Variants in KCND2 observed in about 807,000 individuals in gnomAD.
KCND2 encodes A-type voltage-gated potassium channel KCND2.
Under a neutral mutation model 54.4 loss-of-function variants are expected in KCND2, and 16 were observed. The ratio of observed to expected loss-of-function variants is 0.29; its 90% CI spans 0.20 to 0.45. The LOEUF (loss-of-function observed/expected upper bound fraction) is 0.45. KCND2 is among the 20% of genes least tolerant of loss of function. The pLI is 1.00. For synonymous variants in KCND2, 317 were observed against 310.7 expected, an observed-to-expected ratio of 1.02 and a Z score of -0.21; for missense variants, 486 against 824.2, an observed-to-expected ratio of 0.59 and a Z score of 5.02.
chr7:120,545,239 T>C (rs1307568413), intron 1 of KCND2, among the ~76,000 whole-genome samples: 1 of 151,938 alleles, frequency 6.6e-6, no homozygotes, highest in East Asian at 1.9e-4. Context: ...TCTTTGTGCC[T>C]ACCACTACAG....
At position 120,699,661 on chromosome 7, in the gene KCND2, G is replaced by A. The variant is rs188772630; in HGVS notation, c.1116-33242G>A. On this transcript the variant is annotated intron_variant, in intron 1 of 5. Coordinates refer to ENST00000331113, the MANE Select transcript of KCND2 (RefSeq NM_012281.3). ...TTAAAGGATGAATGAATTTTCCATA[G>A]CAAAGAGAGATAGAGAAGGAAAATG... 1.1e-4 allele frequency among the ~76,000 whole-genome samples: 17 copies of A among 152,290 alleles called. No individual in the cohort carries two copies. The East Asian group carries it at 2.9e-3, about 26-fold the overall frequency.
chr7:120,581,962 C>T (rs1792521124), intron 1 of KCND2, among the ~76,000 whole-genome samples: 1 of 152,124 alleles, frequency 6.6e-6, no homozygotes, highest in Non-Finnish European at 1.5e-5. Context: ...CATCCACCCG[C>T]CTCAGCCTCC....
At chr7:120,392,289 C>T (rs2116054903) in intron 1 of KCND2, among the ~76,000 whole-genome samples, 1 of 152,036 alleles carries the variant, frequency 6.6e-6, no homozygotes, top group African/African-American at 2.4e-5. Flanking sequence ...TTTTTTGGTA[C>T]CAGTATCATG....
chr7:120,656,776 T>C (rs1387590830), intron 1 of KCND2, among the ~76,000 whole-genome samples: 1 of 152,210 alleles, frequency 6.6e-6, no homozygotes, highest in African/African-American at 2.4e-5. Context: ...TCTTTCACCT[T>C]GTGCAAAATT....
intron 1 of KCND2, among the ~76,000 whole-genome samples, chr7:120,612,739 A>T (rs2116488811): frequency 6.6e-6 from 1 of 152,294 alleles, no homozygotes; most frequent in South Asian, 2.1e-4. Context: ...AACTTAATGA[A>T]TTTTTGTTAT....
At chr7:120,497,316 C>T (rs1802863385) in intron 1 of KCND2, among the ~76,000 whole-genome samples, 1 of 152,046 alleles carries the variant, frequency 6.6e-6, no homozygotes, top group South Asian at 2.1e-4. Flanking sequence ...CTTAAAAATC[C>T]CTTGGAGAGT....
chr7:120,316,021 T>C (rs1050352386), intron 1 of KCND2, among the ~76,000 whole-genome samples: 3 of 152,150 alleles, frequency 2.0e-5, no homozygotes, highest in African/African-American at 7.2e-5. Flanking sequence ...ATACATACCT[T>C]AAACATTCAT....
intron 1 of KCND2, among the ~76,000 whole-genome samples, chr7:120,529,383 T>C (rs995336766): frequency 2.0e-5 from 3 of 152,172 alleles, no homozygotes; most frequent in African/African-American, 7.2e-5. Flanking sequence ...TGTTCTCCTC[T>C]TCTAGAAAGT....
chr7:120,605,144 A>T (rs995170178), intron 1 of KCND2, among the ~76,000 whole-genome samples: 3 of 152,214 alleles, frequency 2.0e-5, no homozygotes, highest in African/African-American at 7.2e-5. Context: ...AAACAGTTGC[A>T]CAACCATGAC....
chr7:120,464,291 G>A (rs1802335022), intron 1 of KCND2, among the ~76,000 whole-genome samples: 2 of 151,480 alleles, frequency 1.3e-5, no homozygotes, highest in South Asian at 2.1e-4. Flanking sequence ...TTAATGTCAC[G>A]TGATTTTAAA....
intron 1 of KCND2, among the ~76,000 whole-genome samples, chr7:120,511,507 A>G (rs1376574825): frequency 3.9e-5 from 6 of 152,154 alleles, no homozygotes; most frequent in African/African-American, 9.6e-5. Context: ...TGTACAATGT[A>G]TGAATTGTGT....
chr7:120,685,852 C>CT, intron 1 of KCND2, among the ~76,000 whole-genome samples: 1 of 152,232 alleles, frequency 6.6e-6, no homozygotes, highest in South Asian at 2.1e-4. Context: ...CCAAGAGAAG[C>CT]TCTTTCTTCC....
chr7:120,708,975 T>G (rs1792504352), intron 1 of KCND2, among the ~76,000 whole-genome samples: 1 of 152,184 alleles, frequency 6.6e-6, no homozygotes. Flanking sequence ...TTAGAAAAGT[T>G]AATTAAGGCC....
At chr7:120,747,575 A>C (rs1317653734) in intron 5 of KCND2, 106 bp from the exon 6 acceptor site, 1 of 765,072 alleles carries the variant, frequency 1.3e-6, no homozygotes, top group African/African-American at 1.7e-5. Flanking sequence ...AACTTTCCTT[A>C]GACAATTAAA....
At chr7:120,309,504 T>C (rs867219105) in intron 1 of KCND2, among the ~76,000 whole-genome samples, 26 of 116,366 alleles carry the variant, frequency 2.2e-4, no homozygotes, top group South Asian at 1.3e-3. Context: ...CACACACACA[T>C]ATGTATGTAT....
rs995903663 is a variant in KCND2, at chr7:120,433,221, A to G, written c.1115+157474A>G. 2.0e-5 allele frequency among the ~76,000 whole-genome samples: 3 copies of G among 152,316 alleles called. No homozygotes were observed. The East Asian group carries it at 5.8e-4, about 29-fold the overall frequency. On this transcript the variant is annotated intron_variant, in intron 1 of 5. Transcript: ENST00000331113. The stretch of plus-strand genomic sequence containing the variant: ...GAAGAACCCTGTTGAGCATGACTGC[A>G]GCCCCCAGGCACTGTTAATACTGAG...
At chr7:120,323,560 G>T in intron 1 of KCND2, among the ~76,000 whole-genome samples, 1 of 146,338 alleles carries the variant, frequency 6.8e-6, no homozygotes. Context: ...TTGGTTTTTT[G>T]TCCTTGCGAT....
chr7:120,373,283 T>C (rs1430021683), intron 1 of KCND2, among the ~76,000 whole-genome samples: 1 of 151,886 alleles, frequency 6.6e-6, no homozygotes, highest in Non-Finnish European at 1.5e-5. Flanking sequence ...TACAATAATC[T>C]TCTCTCTTTG....
chr7:120,613,727 C>T (rs2116490346), intron 1 of KCND2, among the ~76,000 whole-genome samples: 1 of 152,116 alleles, frequency 6.6e-6, no homozygotes, highest in African/African-American at 2.4e-5. Flanking sequence ...TTTCTTAGGT[C>T]CTTTGTCATT....
Sources: gnomAD v4.1 joint callset for allele counts (sites outside exome capture counted in the v4.1 genomes callset) on GRCh38, gnomAD v4.1.1 for gene constraint, MANE v1.5 for transcripts, NCBI Gene and HGNC (gene_info 2026-07-23, HGNC 2026-07-21) for gene names.